Variants in AKT3 observed in about 807,000 individuals in gnomAD.
The protein encoded by AKT3 is AKT serine/threonine kinase 3.
A neutral mutation model predicts 65.3 loss-of-function variants in AKT3; 15 were observed. The observed-to-expected ratio is 0.23, with a 90% CI of 0.15 to 0.35. AKT3 has a LOEUF of 0.35. AKT3 is among the 10% of genes least tolerant of loss of function. AKT3 has a pLI of 1.00. For missense variants in AKT3, 243 were observed against 576.5 expected (o/e 0.42, Z 5.92); for synonymous variants, 206 against 183.8 (o/e 1.12, Z -0.98).
At chr1:243,676,768 C>T (rs546454402) in intron 3 of AKT3, among the ~76,000 whole-genome samples, 13 of 152,276 alleles carry the variant, frequency 8.5e-5, no homozygotes, top group African/African-American at 2.9e-4. Context: ...ACAGTTTGTT[C>T]GTTATGACTC....
chr1:243,782,361 T>C (rs143982385), intron 2 of AKT3, among the ~76,000 whole-genome samples: 2 of 152,326 alleles, frequency 1.3e-5, no homozygotes, highest in African/African-American at 4.8e-5. Context: ...TTCTGGAGGC[T>C]GGAAGTCCAA....
chr1:243,627,222 A>G (rs907702421), intron 6 of AKT3, among the ~76,000 whole-genome samples: 2 of 152,086 alleles, frequency 1.3e-5, no homozygotes, highest in African/African-American at 2.4e-5. Flanking sequence ...AGCCAGACAT[A>G]GTGGCTCACA....
intron 10 of AKT3, among the ~76,000 whole-genome samples, chr1:243,555,214 C>T (rs1440487213): frequency 6.6e-6 from 1 of 152,122 alleles, no homozygotes; most frequent in Non-Finnish European, 1.5e-5. Context: ...TTAAGCAATG[C>T]TGAGAAGAAA....
At chr1:243,647,488 G>A (rs538993012) in intron 4 of AKT3, among the ~76,000 whole-genome samples, 47 of 152,246 alleles carry the variant, frequency 3.1e-4, no homozygotes, top group East Asian at 1.9e-4. Flanking sequence ...TTCTCAAAAC[G>A]TATCACTGTC....
At chr1:243,840,032 A>C (rs530690386) in intron 2 of AKT3, among the ~76,000 whole-genome samples, 1 of 152,170 alleles carries the variant, frequency 6.6e-6, no homozygotes, top group Non-Finnish European at 1.5e-5. Flanking sequence ...AATACAAAAA[A>C]TTAGCCTGGC....
intron 8 of AKT3, among the ~76,000 whole-genome samples, chr1:243,602,982 T>A (rs1677121075): frequency 6.6e-6 from 1 of 152,202 alleles, no homozygotes. Context: ...AAACAAGTCC[T>A]AAGTAGAGAC....
At chr1:243,492,294 G>GTTTT (rs1558547697) in intron 13 of AKT3, among the ~76,000 whole-genome samples, 1 of 60,162 alleles carries the variant, frequency 1.7e-5, no homozygotes, top group African/African-American at 6.0e-5. Flanking sequence ...TCGTTTCTTG[G>GTTTT]CTTTTTTTTT....
intron 5 of AKT3, among the ~76,000 whole-genome samples, chr1:243,639,402 G>C (rs995404555): frequency 1.3e-5 from 2 of 152,158 alleles, no homozygotes; most frequent in Non-Finnish European, 2.9e-5. Flanking sequence ...CTGATACTGA[G>C]ATAGGAGTTT....
At chr1:243,795,462 G>GT (rs1233986150) in intron 2 of AKT3, among the ~76,000 whole-genome samples, 1,616 of 105,250 alleles carry the variant, frequency 0.015, 61 homozygotes, top group South Asian at 0.057. Flanking sequence ...TTTTTTTTTT[G>GT]TTTTTTTTTT....
chr1:243,605,533 A>G (rs557441082), intron 8 of AKT3, among the ~76,000 whole-genome samples: 1 of 152,314 alleles, frequency 6.6e-6, no homozygotes, highest in South Asian at 2.1e-4. Flanking sequence ...AAATTGAGAA[A>G]AAGAGCAGAA....
intron 3 of AKT3, among the ~76,000 whole-genome samples, chr1:243,681,126 G>A (rs955988788): frequency 5.3e-5 from 8 of 152,096 alleles, no homozygotes; most frequent in Admixed American, 1.3e-4. Context: ...AGAATTCCTT[G>A]CCACTGGGAA....
intron 8 of AKT3, among the ~76,000 whole-genome samples, chr1:243,598,209 A>C (rs1018144160): frequency 6.6e-6 from 1 of 152,154 alleles, no homozygotes; most frequent in African/African-American, 2.4e-5. Flanking sequence ...ACCTCTCAAA[A>C]AATTATAAGA....
chr1:243,642,263 G>A (rs895472061), intron 5 of AKT3, among the ~76,000 whole-genome samples: 1 of 152,176 alleles, frequency 6.6e-6, no homozygotes, highest in East Asian at 1.9e-4. Flanking sequence ...AAATGTTTTG[G>A]TCTTCTGGAT....
intron 2 of AKT3, among the ~76,000 whole-genome samples, chr1:243,748,528 C>T (rs1350419971): frequency 6.6e-6 from 1 of 151,980 alleles, no homozygotes; most frequent in African/African-American, 2.4e-5. Context: ...AAAACCAGAA[C>T]CAATTCAGCA....
intron 2 of AKT3, among the ~76,000 whole-genome samples, chr1:243,731,251 G>A (rs191101409): frequency 6.6e-6 from 1 of 152,332 alleles, no homozygotes; most frequent in Admixed American, 6.5e-5. Flanking sequence ...TTATGTTGTT[G>A]TAGCAGCTCA....
rs1321999037 is a variant in AKT3 at position 243,503,413 on chromosome 1, A to G, written c.*1836T>C. 3 of 233,502 alleles carry G rather than the reference A, an allele frequency of 1.3e-5. No individual in the cohort carries two copies. Among genetic ancestry groups the G allele is most frequent in the Non-Finnish European group, 2.5e-5 (3 of 118,010 alleles). The allele number at this position is 233,502 out of a possible 1,614,324, so 14.5% of individuals were successfully genotyped here. A position where few individuals can be genotyped will look rare whatever the true frequency, so the allele number is the denominator to read the frequency against. On this transcript the variant is annotated 3_prime_UTR_variant, in exon 14 of 14. Transcript: ENST00000673466. Reference sequence around the variant, plus strand: ...ACTTGCTCTTTCATACAATGCAATCATAATACTACGTCATGCTGTAGTCTT... The same window carrying G: ...ACTTGCTCTTTCATACAATGCAATCGTAATACTACGTCATGCTGTAGTCTT...
At chr1:243,821,463 G>A (rs993236415) in intron 2 of AKT3, among the ~76,000 whole-genome samples, 8 of 152,096 alleles carry the variant, frequency 5.3e-5, no homozygotes, top group Non-Finnish European at 2.9e-5. Context: ...TGGGCCAAAT[G>A]TCCCAATTAA....
At chr1:243,675,794 G>T (rs1181673386) in intron 3 of AKT3, among the ~76,000 whole-genome samples, 1 of 152,084 alleles carries the variant, frequency 6.6e-6, no homozygotes, top group African/African-American at 2.4e-5. Flanking sequence ...TGACTTGCCT[G>T]GTTTTACTAC....
intron 2 of AKT3, among the ~76,000 whole-genome samples, chr1:243,757,057 T>C (rs1689181521): frequency 6.6e-6 from 1 of 152,216 alleles, no homozygotes; most frequent in African/African-American, 2.4e-5. Context: ...GGAAAGACTA[T>C]GAAGCCATTC....
Sources: allele counts gnomAD v4.1 joint callset (sites outside exome capture counted in the v4.1 genomes callset), GRCh38; gene constraint gnomAD v4.1.1; transcripts MANE v1.5; gene names NCBI Gene and HGNC (gene_info 2026-07-23, HGNC 2026-07-21).